The following ZDHHC21 variants were observed in gnomAD, a reference collection of about 807,000 sequenced individuals.
ZDHHC21 encodes the protein palmitoyltransferase ZDHHC21.
ZDHHC21 carries 15 observed loss-of-function variants against 34.6 expected under a neutral mutation model. That is an observed-to-expected ratio of 0.43 (90% CI 0.29 to 0.67). The LOEUF is 0.67. Ranked by LOEUF, ZDHHC21 falls within the 30% of genes least tolerant of loss-of-function variation. The pLI is 0.14. For missense variants in ZDHHC21, 344 were observed against 327.7 expected (o/e 1.05, Z -0.38); for synonymous variants, 142 against 101.8 (o/e 1.40, Z -2.38).
chr9:14,648,610 C>T (rs1421369232), intron 7 of ZDHHC21, among the ~76,000 whole-genome samples: 3 of 152,052 alleles, frequency 2.0e-5, no homozygotes, highest in African/African-American at 7.2e-5. Context: ...CTGTACCCTG[C>T]TTTATTATAC....
intron 7 of ZDHHC21, among the ~76,000 whole-genome samples, chr9:14,650,203 T>C (rs975780771): frequency 6.6e-6 from 1 of 151,952 alleles, no homozygotes; most frequent in African/African-American, 2.4e-5. Context: ...TTAGAATAAA[T>C]AGATTATTCT....
intron 7 of ZDHHC21, among the ~76,000 whole-genome samples, chr9:14,650,880 T>G (rs1022826887): frequency 1.3e-5 from 2 of 152,010 alleles, no homozygotes; most frequent in African/African-American, 4.8e-5. Context: ...CTTCCCCTTC[T>G]GTCACCCACT....
chr9:14,671,296 C>T (rs1835396644), intron 5 of ZDHHC21, among the ~76,000 whole-genome samples: 1 of 151,966 alleles, frequency 6.6e-6, no homozygotes, highest in Admixed American at 6.6e-5. Flanking sequence ...AAAAGACTCT[C>T]ATTTTAAGGG....
At chr9:14,609,508 T>G (rs1051589078), downstream of ZDHHC21, among the ~76,000 whole-genome samples, 10 of 152,084 alleles carry the variant, frequency 6.6e-5, no homozygotes, top group Non-Finnish European at 1.3e-4. Context: ...ATTCAAGCTT[T>G]CACATGAAAA....
the ZDHHC21 span, among the ~76,000 whole-genome samples, chr9:14,590,400 T>C: frequency 2.0e-5 from 3 of 152,026 alleles, 1 homozygote; most frequent in South Asian, 4.1e-4. Context: ...ATGAAAATAA[T>C]AGACTCAAAT....
rs540617212 is a variant in ZDHHC21, at chr9:14,618,836, G to A, written c.*130C>T. 3.1e-6 allele frequency: 3 copies of A among 977,996 alleles called. No individual in the cohort carries two copies. The highest frequency in any genetic ancestry group is 3.2e-5 in the South Asian group (1 of 31,242). The allele number at this position is 977,996 out of a possible 1,614,324, so 60.6% of individuals were successfully genotyped here. A position where few individuals can be genotyped will look rare whatever the true frequency, so the allele number is the denominator to read the frequency against. ...AAGATCACTATTAAAATAAAGCCTG[G>A]GGCACATTATGATGCCTAAGACTGG... On this transcript the variant is annotated 3_prime_UTR_variant, in exon 10 of 10. Coordinates refer to ENST00000380916, the MANE Select transcript of ZDHHC21 (RefSeq NM_178566.6).
downstream of ZDHHC21, among the ~76,000 whole-genome samples, chr9:14,606,231 T>A (rs1271086459): frequency 1.3e-5 from 2 of 152,170 alleles, no homozygotes; most frequent in Non-Finnish European, 2.9e-5. Flanking sequence ...TCCCATGAAA[T>A]GGAATTATGT....
At chr9:14,661,604 C>T (rs1025264579) in intron 6 of ZDHHC21, among the ~76,000 whole-genome samples, 5 of 152,072 alleles carry the variant, frequency 3.3e-5, no homozygotes, top group East Asian at 1.9e-4. Context: ...CATTTGTTTT[C>T]GAAGATTATA....
chr9:14,681,977 G>A (rs1415438982), intron 2 of ZDHHC21, among the ~76,000 whole-genome samples: 1 of 152,076 alleles, frequency 6.6e-6, no homozygotes, highest in East Asian at 1.9e-4. Context: ...ATCCTTTACA[G>A]ACAAGCAAAT....
In ZDHHC21 at chr9:14,613,904, T is replaced by G. The variant is rs1586845835; in HGVS notation, c.*5062A>C. 6.6e-6 allele frequency: 1 copy of G among 151,740 alleles called. No homozygotes were observed. Among genetic ancestry groups the G allele is most frequent in the Non-Finnish European group, 1.5e-5 (1 of 67,758 alleles). 9.4% of individuals were successfully genotyped at this position (151,740 alleles called of 1,614,324 possible). ...GAGTTTTCCACATTATTTTTAACAC[T>G]TCACATGATCATACTCTACACAATT... On this transcript the variant is annotated 3_prime_UTR_variant, in exon 10 of 10. Coordinates refer to ENST00000380916, the MANE Select transcript of ZDHHC21 (RefSeq NM_178566.6).
At position 14,614,042 on chromosome 9, in the gene ZDHHC21, C is replaced by A. The variant is rs973142849; in HGVS notation, c.*4924G>T. The stretch of plus-strand genomic sequence containing the variant: ...TAAATGCTTATATGCACTAACAACT[C>A]TTCCCATAAAAATGGTATAAATAAG... On this transcript the variant is annotated 3_prime_UTR_variant, in exon 10 of 10. Coordinates refer to ENST00000380916, the MANE Select transcript of ZDHHC21 (RefSeq NM_178566.6). The A allele has an allele frequency of 9.9e-5, 15 of 151,840 alleles. No homozygotes were observed. Among genetic ancestry groups the A allele is most frequent in the African/African-American group, 3.4e-4 (14 of 41,528 alleles). 9.4% of individuals were successfully genotyped at this position (151,840 alleles called of 1,614,324 possible). A position where few individuals can be genotyped will look rare whatever the true frequency, so the allele number is the denominator to read the frequency against.
Position 14,662,252 on chromosome 9 carries a change from C to T in ZDHHC21, c.328G>A (p.Gly110Ser), listed in dbSNP as rs147067803. 3.7e-6 allele frequency: 6 copies of T among 1,612,820 alleles called. No homozygotes were observed. Among genetic ancestry groups the T allele is most frequent in the East Asian group, 2.2e-5 (1 of 44,838 alleles). ...PKRSHHCSRC[G>S]HCVRRMDHHC... ...TGATCCATTCTCCTCACACAGTGGC[C>T]GCAGCGGCTACAGTGATGGGAACGC... Residue 110 changes from glycine (G) to serine (S), a missense_variant, in exon 6 of 10, where the codon GGC (glycine) becomes AGC (serine). Coordinates refer to ENST00000380916, the MANE Select transcript of ZDHHC21 (RefSeq NM_178566.6).
chr9:14,609,993 CAT>C (rs1206492501), downstream of ZDHHC21, among the ~76,000 whole-genome samples: 6 of 152,164 alleles, frequency 3.9e-5, no homozygotes, highest in African/African-American at 1.2e-4. Context: ...TGAAGGCAGA[CAT>C]GAGAGCTTTG....
At chr9:14,634,476 A>G (rs2382489) in intron 8 of ZDHHC21, among the ~76,000 whole-genome samples, 72,394 of 151,902 alleles carry the variant, frequency 0.48, 17,843 homozygotes, top group African/African-American at 0.61. Flanking sequence ...TGCTGCCACC[A>G]CTAAGGACTA....
Position 14,674,266 on chromosome 9 carries a change from T to C in ZDHHC21, c.75A>G (p.Leu25=). 1 of 1,598,690 alleles carries C rather than the reference T, an allele frequency of 6.3e-7. No individual in the cohort carries two copies. Among genetic ancestry groups the C allele is most frequent in the South Asian group, 1.1e-5 (1 of 87,520 alleles). ...CCMGLIVFVW[L]YNIVLIPKIV... is the part of the protein sequence containing the mutation. Reference sequence around the variant, plus strand: ...TTTTGGGAATTAAAACAATATTGTATAACCAAACAAAGACAATCAAACCCA... The same window carrying C: ...TTTTGGGAATTAAAACAATATTGTACAACCAAACAAAGACAATCAAACCCA... Residue 25 remains leucine (L), a synonymous_variant, in exon 4 of 10, where the codon TTA becomes TTG. Transcript: ENST00000380916.
intron 2 of ZDHHC21, among the ~76,000 whole-genome samples, chr9:14,683,252 GTTTTTTA>G (rs1013922220): frequency 6.6e-6 from 1 of 152,036 alleles, no homozygotes; most frequent in South Asian, 2.1e-4. Context: ...CCAGGAGCTG[GTTTTTTA>G]TTTTTTATTT....
At chr9:14,664,139 C>G (rs954763280) in intron 5 of ZDHHC21, among the ~76,000 whole-genome samples, 1 of 152,124 alleles carries the variant, frequency 6.6e-6, no homozygotes, top group Non-Finnish European at 1.5e-5. Context: ...TGGGCGCAGG[C>G]CAGCGGGTGC....
rs546165811 is a variant in ZDHHC21 at position 14,613,247 on chromosome 9, T to G, written c.*5719A>C. 4.5e-4 allele frequency: 68 copies of G among 152,002 alleles called. No individual in the cohort carries two copies. Among genetic ancestry groups the G allele is most frequent in the African/African-American group, 1.6e-3 (66 of 41,528 alleles). 9.4% of individuals were successfully genotyped at this position (152,002 alleles called of 1,614,324 possible). ...TGTTCTTAGTAACATTAAATTCTAC[T>G]TTATAAATACACAACGATGTGAGAA... On this transcript the variant is annotated 3_prime_UTR_variant, in exon 10 of 10. Coordinates refer to ENST00000380916, the MANE Select transcript of ZDHHC21 (RefSeq NM_178566.6).
At chr9:14,603,192 A>C in the ZDHHC21 span, among the ~76,000 whole-genome samples, 1 of 152,122 alleles carries the variant, frequency 6.6e-6, no homozygotes, top group African/African-American at 2.4e-5. Context: ...GTTGTGTTTA[A>C]ACTATCCCTC....
Sources: allele counts gnomAD v4.1 joint callset (sites outside exome capture counted in the v4.1 genomes callset), GRCh38; gene constraint gnomAD v4.1.1; transcripts MANE v1.5; gene names NCBI Gene and HGNC (gene_info 2026-07-23, HGNC 2026-07-21).